MAGI3: variants seen among roughly 807,000 people sequenced by gnomAD.
MAGI3 encodes membrane-associated guanylate kinase, WW and PDZ domain-containing protein 3.
MAGI3 carries 43 observed loss-of-function variants against 121.8 expected under a neutral mutation model. That is an observed-to-expected ratio of 0.35 (90% CI 0.28 to 0.46). MAGI3 has a LOEUF of 0.46. Ranked by LOEUF, MAGI3 falls within the 20% of genes least tolerant of loss-of-function variation. The probability of loss-of-function intolerance (pLI) is 1.00; values close to 1 mark genes in which losing one functional copy is unlikely to be tolerated. For synonymous variants in MAGI3, 553 were observed against 639.3 expected (o/e 0.86, Z 2.04); for missense variants, 1,547 against 1,797.3 (o/e 0.86, Z 2.52).
rs1648640468 is a variant in MAGI3, at chr1:113,590,586, A to G, written c.866A>G (p.Asp289Gly). Residue 289 changes from aspartate to glycine, a missense_variant, in exon 5 of 21, where the codon GAT becomes GGT. Physicochemically the swap from Asp to Gly is moderately conservative, Grantham distance 94. Coordinates refer to ENST00000307546, the MANE Select transcript of MAGI3 (RefSeq NM_001142782.2). ...GACTTTAGAAATTATATGATGAGAG[A>G]TGAGACTCTGGAACCACTGCCCAAA... ...SMDFRNYMMRDETLEPLPKNW... is the reference protein window; with the variant it reads ...SMDFRNYMMRGETLEPLPKNW... 1 of 1,612,932 alleles carries G rather than the reference A, an allele frequency of 6.2e-7. No individual in the cohort carries two copies. Among genetic ancestry groups the G allele is most frequent in the Non-Finnish European group, 8.5e-7 (1 of 1,178,960 alleles).
intron 1 of MAGI3, among the ~76,000 whole-genome samples, chr1:113,522,575 C>T (rs1170877951): frequency 1.3e-5 from 2 of 152,162 alleles, no homozygotes; most frequent in African/African-American, 2.4e-5. Flanking sequence ...ATAATACTCA[C>T]CTCACAGGGA....
intron 1 of MAGI3, among the ~76,000 whole-genome samples, chr1:113,513,205 G>A (rs1199452726): frequency 6.6e-6 from 1 of 152,096 alleles, no homozygotes. Context: ...TACTGCCCAA[G>A]GTAATTTAGA....
intron 2 of MAGI3, among the ~76,000 whole-genome samples, chr1:113,566,348 T>C (rs1049060476): frequency 6.6e-6 from 1 of 152,110 alleles, no homozygotes; most frequent in Admixed American, 6.6e-5. Flanking sequence ...CCATCATTGG[T>C]GAATGGATAA....
At chr1:113,491,171 C>T (rs1472988564) in intron 1 of MAGI3, among the ~76,000 whole-genome samples, 3 of 152,238 alleles carry the variant, frequency 2.0e-5, no homozygotes, top group East Asian at 1.9e-4. Context: ...GAAATCATAA[C>T]GAACAATATC....
chr1:113,486,496 C>G (rs1262082027), intron 1 of MAGI3, among the ~76,000 whole-genome samples: 2 of 152,002 alleles, frequency 1.3e-5, no homozygotes, highest in Non-Finnish European at 2.9e-5. Flanking sequence ...GGGTTGAGTT[C>G]TTGATTTGAT....
chr1:113,641,724 T>C (rs1652542446), intron 9 of MAGI3, among the ~76,000 whole-genome samples, 187 bp from the exon 10 acceptor site: 2 of 152,088 alleles, frequency 1.3e-5, no homozygotes, highest in African/African-American at 4.8e-5. Context: ...TAGACATTTA[T>C]ACATACATTT....
rs1177640020 is a variant in MAGI3 at position 113,422,750 on chromosome 1, G to A, written c.316+31401G>A. 2.0e-5 allele frequency among the ~76,000 whole-genome samples: 3 copies of A among 152,330 alleles called. No individual in the cohort carries two copies. The highest frequency in any genetic ancestry group is 2.1e-4 in the South Asian group (1 of 4,826). ...GAACAGCAGAACCCTATTGCCCTCA[G>A]TGTGGCGAGTGGGGGAGGCATGTTT... On this transcript the variant is annotated intron_variant, in intron 1 of 20. Coordinates refer to ENST00000307546, the MANE Select transcript of MAGI3 (RefSeq NM_001142782.2). This position sits in a 1 kb window ranked among gnomAD's most constrained non-coding sequence, Gnocchi z 4.3.
At chr1:113,560,405 A>C (rs900951624) in intron 2 of MAGI3, among the ~76,000 whole-genome samples, 1 of 146,302 alleles carries the variant, frequency 6.8e-6, no homozygotes, top group African/African-American at 2.7e-5. Flanking sequence ...AAAAACAAAC[A>C]AAAAAAACCA....
chr1:113,616,116 A>G lies in MAGI3; in HGVS notation c.1076+1458A>G, dbSNP rs1650445444. Among the ~76,000 whole-genome samples the G allele has an allele frequency of 2.6e-5, 4 of 152,308 alleles. No homozygotes were observed. The South Asian group carries it at 8.3e-4, about 32-fold the overall frequency. On this transcript the variant is annotated intron_variant, in intron 7 of 20. Coordinates refer to ENST00000307546, the MANE Select transcript of MAGI3 (RefSeq NM_001142782.2). ...CTGTTATAAAACCTTGAGCTGAATG[A>G]TCTGGTCCCCATTATGCAAAGATAT...
intron 1 of MAGI3, among the ~76,000 whole-genome samples, chr1:113,509,375 T>A (rs554259164): frequency 6.6e-6 from 1 of 150,724 alleles, no homozygotes; most frequent in African/African-American, 2.4e-5. Context: ...TTTTGTTTTC[T>A]TTTTCCCAAA....
At chr1:113,403,393 T>C (rs371001799) in intron 1 of MAGI3, among the ~76,000 whole-genome samples, 1 of 152,162 alleles carries the variant, frequency 6.6e-6, no homozygotes, top group African/African-American at 2.4e-5. Context: ...GATGCTGTTA[T>C]GATGAATCTG....
At chr1:113,516,355 G>A (rs1241449577) in intron 1 of MAGI3, among the ~76,000 whole-genome samples, 2 of 123,424 alleles carry the variant, frequency 1.6e-5, no homozygotes, top group East Asian at 5.4e-4. Flanking sequence ...TGAGCCTGGA[G>A]CATTTTGTAG....
intron 1 of MAGI3, among the ~76,000 whole-genome samples, chr1:113,536,144 G>GT (rs34587648): frequency 6.8e-4 from 99 of 145,532 alleles, no homozygotes; most frequent in African/African-American, 1.6e-3. Flanking sequence ...GAAGACATGT[G>GT]TTTTTTTTTT....
Position 113,683,683 on chromosome 1 carries a change from A to C in MAGI3, c.4115A>C (p.Asn1372Thr). 2 of 1,604,946 alleles carry C rather than the reference A, an allele frequency of 1.2e-6. No individual in the cohort carries two copies. The highest frequency in any genetic ancestry group is 1.7e-6 in the Non-Finnish European group (2 of 1,175,520). Reference protein sequence around the residue: ...VEKSLPSKMTNKTTSKEVSEN... With the variant: ...VEKSLPSKMTTKTTSKEVSEN... ...AAATCTCTTCCATCCAAAATGACTAATAAGACTACAAGTAAAGAAGTATCT... is the reference window on the plus strand; with the variant it reads ...AAATCTCTTCCATCCAAAATGACTACTAAGACTACAAGTAAAGAAGTATCT... The change falls in exon 21 of 21, where the codon AAT (asparagine) becomes ACT (threonine). Residue 1372 changes from asparagine to threonine, a missense_variant. Transcript: ENST00000307546.
chr1:113,391,477 G>A lies in MAGI3; in HGVS notation c.316+128G>A. The stretch of plus-strand genomic sequence containing the variant: ...AATCTTAGACCTCTAGGGTGTGCCA[G>A]ACTCCTTGACGAGGGGGAGGGGTGG... On this transcript the variant is annotated intron_variant, in intron 1 of 20. Coordinates refer to ENST00000307546, the MANE Select transcript of MAGI3 (RefSeq NM_001142782.2). The surrounding 1 kb of genome is among the most constrained non-coding windows in gnomAD (Gnocchi z 4.4). 9.5e-7 allele frequency: 1 copy of A among 1,057,016 alleles called. No homozygotes were observed. Among genetic ancestry groups the A allele is most frequent in the Middle Eastern group, 3.0e-4 (1 of 3,386 alleles). The allele number at this position is 1,057,016 out of a possible 1,614,324, so 65.5% of individuals were successfully genotyped here. A position where few individuals can be genotyped will look rare whatever the true frequency, so the allele number is the denominator to read the frequency against.
intron 1 of MAGI3, among the ~76,000 whole-genome samples, chr1:113,475,524 T>C (rs1215357637): frequency 6.6e-6 from 1 of 152,232 alleles, no homozygotes; most frequent in South Asian, 2.1e-4. Flanking sequence ...GTTTATGTGA[T>C]GGATTACATT....
chr1:113,573,343 C>T (rs1647427811), intron 2 of MAGI3, among the ~76,000 whole-genome samples: 1 of 152,218 alleles, frequency 6.6e-6, no homozygotes, highest in Non-Finnish European at 1.5e-5. Flanking sequence ...GTGCTATAAG[C>T]TTCCGTCTAA....
intron 2 of MAGI3, 119 bp downstream of exon 2, chr1:113,549,750 A>G: frequency 3.8e-6 from 2 of 533,168 alleles, no homozygotes; most frequent in Non-Finnish European, 3.3e-6. Flanking sequence ...AGTTGGGAAC[A>G]AGAATGAAAC....
At chr1:113,596,764 TG>T (rs1418474132) in intron 6 of MAGI3, among the ~76,000 whole-genome samples, 1 of 151,806 alleles carries the variant, frequency 6.6e-6, no homozygotes, top group African/African-American at 2.4e-5. Context: ...AAAACCACTG[TG>T]ATCTACTACT....
Sources: gnomAD v4.1 joint callset for allele counts (sites outside exome capture counted in the v4.1 genomes callset) on GRCh38, gnomAD v4.1.1 for gene constraint, Gnocchi (gnomAD v3.1) non-coding constraint, MANE v1.5 for transcripts, NCBI Gene and HGNC (gene_info 2026-07-23, HGNC 2026-07-21) for gene names.